The following FAM117A variants were observed in gnomAD, a reference collection of about 807,000 sequenced individuals.
The protein encoded by FAM117A is protein FAM117A.
FAM117A carries 21 observed loss-of-function variants against 44.1 expected under a neutral mutation model. That is an observed-to-expected ratio of 0.48 (90% CI 0.34 to 0.69). The LOEUF (loss-of-function observed/expected upper bound fraction) is 0.69, where lower values mean the gene tolerates loss of function less well. Ranked by LOEUF, FAM117A falls within the 30% of genes least tolerant of loss-of-function variation. FAM117A has a pLI of 0.01. For synonymous variants in FAM117A, 220 were observed against 238.3 expected (o/e 0.92, Z 0.71); for missense variants, 498 against 589.9 (o/e 0.84, Z 1.61).
At chr17:49,761,462 C>T (rs1280752187) in intron 1 of FAM117A, among the ~76,000 whole-genome samples, 2 of 152,146 alleles carry the variant, frequency 1.3e-5, no homozygotes, top group African/African-American at 2.4e-5. Flanking sequence ...GTGCCAGGCA[C>T]GTTTTAAGCA....
chr17:49,767,146 TC>T (rs751422812), upstream of FAM117A, among the ~76,000 whole-genome samples: 2 of 152,204 alleles, frequency 1.3e-5, no homozygotes, highest in Non-Finnish European at 2.9e-5. Flanking sequence ...CTTATTCTCT[TC>T]TCTATCACTG....
intron 1 of FAM117A, among the ~76,000 whole-genome samples, chr17:49,763,164 G>T (rs1318390419): frequency 7.7e-6 from 1 of 129,798 alleles, no homozygotes; most frequent in African/African-American, 2.8e-5. Context: ...ACACACACAC[G>T]CTCGTACACA....
rs1453713399 is a variant in FAM117A at position 49,721,585 on chromosome 17, TC to T, written c.462+913del. Among the ~76,000 whole-genome samples, 39 of 152,230 alleles carry T rather than the reference TC, an allele frequency of 2.6e-4. 1 individual carries two copies. Among genetic ancestry groups the T allele is most frequent in the Non-Finnish European group, 7.3e-5 (5 of 68,042 alleles). ...TCAGCAATAGAGGGCAGAAGCAACT[TC>T]CTCTTGTAAAGGCGTGCAGGGTGAG... On this transcript the variant is annotated intron_variant, in intron 3 of 7. Coordinates refer to ENST00000240364, the MANE Select transcript of FAM117A (RefSeq NM_030802.4).
At chr17:49,736,550 G>A (rs932352779) in intron 1 of FAM117A, among the ~76,000 whole-genome samples, 1 of 152,116 alleles carries the variant, frequency 6.6e-6, no homozygotes, top group Non-Finnish European at 1.5e-5. Context: ...CGGCCCAAAG[G>A]CCCTCTTTCA....
At chr17:49,738,840 T>C (rs911242877) in intron 1 of FAM117A, among the ~76,000 whole-genome samples, 1 of 152,206 alleles carries the variant, frequency 6.6e-6, no homozygotes, top group Non-Finnish European at 1.5e-5. Context: ...TAAAAAAAAC[T>C]ACCACTTATT....
intron 1 of FAM117A, among the ~76,000 whole-genome samples, chr17:49,750,925 G>T (rs1163583619): frequency 6.6e-6 from 1 of 152,154 alleles, no homozygotes; most frequent in Non-Finnish European, 1.5e-5. Context: ...TCATACAGAA[G>T]CATTTTTGTA....
upstream of FAM117A, chr17:49,788,744 TAC>T: frequency 1.4e-6 from 2 of 1,430,574 alleles, no homozygotes; most frequent in Non-Finnish European, 1.9e-6. Context: ...TTGGGACTGA[TAC>T]AGAGGCCGCC....
chr17:49,726,523 T>G (rs1313773891), intron 2 of FAM117A, among the ~76,000 whole-genome samples: 2 of 152,158 alleles, frequency 1.3e-5, no homozygotes, highest in Non-Finnish European at 2.9e-5. Flanking sequence ...ACATCGAGTA[T>G]TCTCAAGGCA....
intron 1 of FAM117A, among the ~76,000 whole-genome samples, chr17:49,739,493 C>A (rs2143748896): frequency 6.6e-6 from 1 of 152,318 alleles, no homozygotes; most frequent in African/African-American, 2.4e-5. Flanking sequence ...TAGAGAACGT[C>A]CCCTAAGAAA....
At chr17:49,721,928 A>T (rs1193256723) in intron 3 of FAM117A, among the ~76,000 whole-genome samples, 1 of 146,842 alleles carries the variant, frequency 6.8e-6, no homozygotes, top group African/African-American at 2.5e-5. Flanking sequence ...ATCTCTACTA[A>T]AAAAAAAAAA....
intron 1 of FAM117A, among the ~76,000 whole-genome samples, chr17:49,759,449 G>A (rs765858830): frequency 1.1e-4 from 16 of 152,208 alleles, no homozygotes; most frequent in Non-Finnish European, 2.2e-4. Context: ...AGTGTCTGGT[G>A]TTTTAATGCT....
chr17:49,774,145 T>A (rs968621523), intron 1 of FAM117A, among the ~76,000 whole-genome samples: 2 of 152,208 alleles, frequency 1.3e-5, no homozygotes, highest in African/African-American at 4.8e-5. Context: ...ACTCTGGTAT[T>A]TCTTTTTCTT....
chr17:49,749,318 C>T (rs1260071989), intron 1 of FAM117A, among the ~76,000 whole-genome samples: 1 of 152,078 alleles, frequency 6.6e-6, no homozygotes, highest in African/African-American at 2.4e-5. Context: ...TGGCTCACAC[C>T]TGTAATCCCA....
At chr17:49,754,005 C>G (rs2073687524) in intron 1 of FAM117A, among the ~76,000 whole-genome samples, 2 of 152,270 alleles carry the variant, frequency 1.3e-5, no homozygotes, top group African/African-American at 2.4e-5. Flanking sequence ...GTGCACACCC[C>G]CCATGGATGT....
chr17:49,788,179 C>G (rs903980752), intron 1 of FAM117A, among the ~76,000 whole-genome samples: 1 of 152,184 alleles, frequency 6.6e-6, no homozygotes, highest in Admixed American at 6.5e-5. Context: ...GGACGCTATC[C>G]GTTAGTTCCT....
At chr17:49,713,600 G>A (rs1196808192) in intron 7 of FAM117A, among the ~76,000 whole-genome samples, 4 of 151,906 alleles carry the variant, frequency 2.6e-5, no homozygotes, top group Admixed American at 6.6e-5. Context: ...TCCACCTCCT[G>A]GGCTCAAGCA....
At chr17:49,745,792 C>G (rs1338523985) in intron 1 of FAM117A, among the ~76,000 whole-genome samples, 1 of 152,086 alleles carries the variant, frequency 6.6e-6, no homozygotes, top group African/African-American at 2.4e-5. Context: ...AACAAAGAAA[C>G]AGGAATGGGA....
chr17:49,789,069 C>A, upstream of FAM117A: 1 of 412,882 alleles, frequency 2.4e-6, no homozygotes. Context: ...TTGCCTGGAT[C>A]GGAGGCGTTC....
rs1050296075 is a variant in FAM117A, at chr17:49,778,868, C to G, written c.-621+9629G>C. Among the ~76,000 whole-genome samples the G allele has an allele frequency of 3.0e-4, 45 of 152,150 alleles. 1 individual carries two copies. Among genetic ancestry groups the G allele is most frequent in the Non-Finnish European group, 2.9e-5 (2 of 68,030 alleles). On this transcript the variant is annotated intron_variant, in intron 1 of 7. Coordinates refer to the FAM117A transcript ENST00000513602. Reference sequence around the variant, plus strand: ...ATAAATGTATAATTACAAACTGAGACAAGTGCTATGAAGAAAAGCACAGTG... The same window carrying G: ...ATAAATGTATAATTACAAACTGAGAGAAGTGCTATGAAGAAAAGCACAGTG...
Sources: gnomAD v4.1 joint callset for allele counts (sites outside exome capture counted in the v4.1 genomes callset) on GRCh38, gnomAD v4.1.1 for gene constraint, MANE v1.5 for transcripts, NCBI Gene and HGNC (gene_info 2026-07-23, HGNC 2026-07-21) for gene names.